Variants in CCNC observed in about 807,000 individuals in gnomAD.
CCNC encodes the protein cyclin C, also known as cyclin-C.
Under a neutral mutation model 50.0 loss-of-function variants are expected in CCNC, and 19 were observed. The ratio of observed to expected loss-of-function variants is 0.38; its 90% confidence interval spans 0.27 to 0.56. CCNC has a LOEUF of 0.56. CCNC is among the 20% of genes least tolerant of loss of function. The pLI is 0.72. For synonymous variants in CCNC, 93 were observed against 103.7 expected (o/e 0.90, Z 0.63); for missense variants, 200 against 327.1 (o/e 0.61, Z 3.00).
At chr6:99,563,146 C>T (rs544308320) in intron 1 of CCNC, among the ~76,000 whole-genome samples, 198 bp from the exon 2 acceptor site, 2 of 152,256 alleles carry the variant, frequency 1.3e-5, no homozygotes, top group African/African-American at 2.4e-5. Flanking sequence ...AAATTCTGCT[C>T]TAATCTTTTC....
Position 99,543,388 on chromosome 6 carries a change from C to A in CCNC, c.*167G>T, listed in dbSNP as rs1278165723. The A allele has an allele frequency of 3.1e-6, 2 of 653,688 alleles. No homozygotes were observed. Among genetic ancestry groups the A allele is most frequent in the Non-Finnish European group, 2.6e-6 (1 of 385,550 alleles). 40.5% of individuals were successfully genotyped at this position (653,688 alleles called of 1,614,324 possible). On this transcript the variant is annotated 3_prime_UTR_variant, in exon 12 of 12. Coordinates refer to ENST00000520429, the MANE Select transcript of CCNC (RefSeq NM_005190.4). The stretch of plus-strand genomic sequence containing the variant: ...TCAAGAGATTTTAATCAATTATGTA[C>A]TAGAATCATATTAAAGAAAAACTTA...
intron 5 of CCNC, among the ~76,000 whole-genome samples, chr6:99,554,069 T>C (rs1366926496): frequency 6.6e-6 from 1 of 152,180 alleles, no homozygotes; most frequent in East Asian, 1.9e-4. Context: ...GTGACAGTTT[T>C]CTAGCCTTTC....
chr6:99,567,872 A>G (rs942959796), intron 1 of CCNC, among the ~76,000 whole-genome samples: 2 of 152,220 alleles, frequency 1.3e-5, no homozygotes, highest in Non-Finnish European at 2.9e-5. Context: ...AAGTCACTGG[A>G]AAAATAGGCC....
At position 99,542,488 on chromosome 6, in the gene CCNC, T is replaced by C. The variant is rs531036314; in HGVS notation, c.*1067A>G. 5.2e-5 allele frequency: 8 copies of C among 152,762 alleles called. No homozygotes were observed. The highest frequency in any genetic ancestry group is 1.9e-4 in the African/African-American group (8 of 41,590). 9.5% of individuals were successfully genotyped at this position (152,762 alleles called of 1,614,324 possible). The stretch of plus-strand genomic sequence containing the variant: ...TGATTAAAAATGTTTAATCCTTAAA[T>C]TGTGCATCAATATCCTATGACTCCA... On this transcript the variant is annotated 3_prime_UTR_variant, in exon 12 of 12. Coordinates refer to ENST00000520429, the MANE Select transcript of CCNC (RefSeq NM_005190.4).
intron 1 of CCNC, among the ~76,000 whole-genome samples, chr6:99,564,462 C>T (rs1471532719): frequency 3.3e-5 from 5 of 151,184 alleles, no homozygotes; most frequent in Non-Finnish European, 1.5e-5. Context: ...GGGTTACTGC[C>T]ACTTTTAAAT....
In CCNC at chr6:99,542,874, T is replaced by G. The variant is rs1345409766; in HGVS notation, c.*681A>C. Reference sequence around the variant, plus strand: ...TGTGAATTAATTATAAATAACTTCATGTAGTTTGCCCAGCATTTCAAAATG... The same window carrying G: ...TGTGAATTAATTATAAATAACTTCAGGTAGTTTGCCCAGCATTTCAAAATG... On this transcript the variant is annotated 3_prime_UTR_variant, in exon 12 of 12. Transcript: ENST00000520429. 6.6e-6 allele frequency: 1 copy of G among 152,626 alleles called. No homozygotes were observed. The highest frequency in any genetic ancestry group is 1.5e-5 in the Non-Finnish European group (1 of 67,994). 9.5% of individuals were successfully genotyped at this position (152,626 alleles called of 1,614,324 possible).
intron 5 of CCNC, 68 bp downstream of exon 5, chr6:99,558,429 A>G (rs2114365802): frequency 6.4e-7 from 1 of 1,570,760 alleles, no homozygotes; most frequent in East Asian, 2.3e-5. Context: ...TAAAAAAAAA[A>G]AAATCTATGT....
rs906109174 is a variant in CCNC, at chr6:99,544,569, C to CA, written c.797+542dup. ...ACACACACATACACCCCAATAACAA[C>CA]AAAAAAAACCCTCTTAGCACAGGTG... On this transcript the variant is annotated intron_variant, in intron 11 of 11. Coordinates refer to ENST00000520429, the MANE Select transcript of CCNC (RefSeq NM_005190.4). Among the ~76,000 whole-genome samples the CA allele has an allele frequency of 7.3e-5, 11 of 151,328 alleles. No individual in the cohort carries two copies. In the East Asian group the frequency reaches 7.7e-4, roughly 11 times the overall value.
At chr6:99,556,254 C>T (rs1308708203) in intron 5 of CCNC, among the ~76,000 whole-genome samples, 1 of 152,146 alleles carries the variant, frequency 6.6e-6, no homozygotes, top group Non-Finnish European at 1.5e-5. Context: ...TAATCACTCC[C>T]TATACCACCC....
intron 2 of CCNC, chr6:99,562,119 G>A (rs1802804888): frequency 6.5e-6 from 1 of 152,850 alleles, no homozygotes; most frequent in Non-Finnish European, 1.5e-5. Context: ...GAATGCAGTA[G>A]CACGATCTTG....
chr6:99,552,334 AAC>A (rs982128202), intron 5 of CCNC, among the ~76,000 whole-genome samples: 2 of 152,126 alleles, frequency 1.3e-5, no homozygotes, highest in African/African-American at 2.4e-5. Flanking sequence ...AAAAAATGTT[AAC>A]AGTGGTTATT....
intron 4 of CCNC, 120 bp downstream of exon 4, chr6:99,561,247 A>G: frequency 1.4e-6 from 1 of 732,708 alleles, no homozygotes; most frequent in Non-Finnish European, 2.5e-6. Flanking sequence ...ATTTTGTACA[A>G]TTTTAGTATT....
At chr6:99,566,130 C>T (rs576780391) in intron 1 of CCNC, among the ~76,000 whole-genome samples, 1 of 152,080 alleles carries the variant, frequency 6.6e-6, no homozygotes, top group African/African-American at 2.4e-5. Flanking sequence ...TTTCTCATTC[C>T]TAATTTTGTA....
Position 99,549,617 on chromosome 6 carries a change from C to T in CCNC, c.531-42G>A. 5 of 1,250,870 alleles carry T rather than the reference C, an allele frequency of 4.0e-6. No individual in the cohort carries two copies. In the South Asian group the frequency reaches 4.9e-5, roughly 12 times the overall value. 77.5% of individuals were successfully genotyped at this position (1,250,870 alleles called of 1,614,324 possible). On this transcript the variant is annotated intron_variant, in intron 8 of 11. Coordinates refer to ENST00000520429, the MANE Select transcript of CCNC (RefSeq NM_005190.4). ...CATATTATTACTGAAAGCAGAACTA[C>T]CTCATCTGATTGTATATTTCCTCCA...
Position 99,542,572 on chromosome 6 carries a change from C to T in CCNC, c.*983G>A, listed in dbSNP as rs975681549. 6 of 152,556 alleles carry T rather than the reference C, an allele frequency of 3.9e-5. No homozygotes were observed. The highest frequency in any genetic ancestry group is 1.4e-4 in the African/African-American group (6 of 41,428). 9.5% of individuals were successfully genotyped at this position (152,556 alleles called of 1,614,324 possible). ...AAAATGATTAATTTGCTAAGTTCCA[C>T]AGACAGTACAGTCCCACTGACATAA... On this transcript the variant is annotated 3_prime_UTR_variant, in exon 12 of 12. Transcript: ENST00000520429.
At position 99,546,394 on chromosome 6, in the gene CCNC, C is replaced by T; in HGVS notation, c.678+1G>A. ...AAGTTTACATACAACTAAGGGAATA[C>T]CTTTTCCATATCCACAGAAAGCTCA... is the stretch of plus-strand genomic sequence containing the variant. On this transcript the variant is annotated splice_donor_variant, in intron 10 of 11. Coordinates refer to ENST00000520429, the MANE Select transcript of CCNC (RefSeq NM_005190.4). LOFTEE classifies it high-confidence loss of function. 6.2e-7 allele frequency: 1 copy of T among 1,601,016 alleles called. No homozygotes were observed. The highest frequency in any genetic ancestry group is 8.6e-7 in the Non-Finnish European group (1 of 1,168,216).
At chr6:99,563,092 CTAA>C in intron 1 of CCNC, 144 bp from the exon 2 acceptor site, 3 of 609,446 alleles carry the variant, frequency 4.9e-6, no homozygotes, top group South Asian at 2.0e-5. Context: ...TGAAACGTGA[CTAA>C]TAAGAATTAT....
intron 9 of CCNC, among the ~76,000 whole-genome samples, chr6:99,547,138 C>G (rs1359134233): frequency 6.6e-6 from 1 of 152,084 alleles, no homozygotes; most frequent in East Asian, 1.9e-4. Context: ...TACTGAGCAG[C>G]CTGTATACCC....
intron 1 of CCNC, among the ~76,000 whole-genome samples, chr6:99,564,630 ATT>A (rs908914946): frequency 2.6e-5 from 4 of 151,930 alleles, no homozygotes; most frequent in Admixed American, 6.6e-5. Context: ...GGGATTACCG[ATT>A]TTTTTAATGA....
Sources: gnomAD v4.1 joint callset for allele counts (sites outside exome capture counted in the v4.1 genomes callset) on GRCh38, gnomAD v4.1.1 for gene constraint, MANE v1.5 for transcripts, NCBI Gene and HGNC (gene_info 2026-07-23, HGNC 2026-07-21) for gene names.